Variants in NUP153 observed in about 807,000 individuals in gnomAD.
NUP153 encodes the protein nucleoporin 153.
NUP153 carries 27 observed loss-of-function variants against 134.6 expected under a neutral mutation model. That is an observed-to-expected ratio of 0.20 (90% confidence interval 0.15 to 0.28). The LOEUF is 0.28. NUP153 is among the 10% of genes least tolerant of loss of function. NUP153 has a pLI of 1.00. For synonymous variants in NUP153, 640 were observed against 623.5 expected, an observed-to-expected ratio of 1.03 and a Z score of -0.40; for missense variants, 1,821 against 1,731.3, an observed-to-expected ratio of 1.05 and a Z score of -0.92.
intron 1 of NUP153, among the ~76,000 whole-genome samples, chr6:17,697,050 T>C (rs1014067859): frequency 7.3e-5 from 11 of 150,174 alleles, no homozygotes; most frequent in African/African-American, 2.7e-4. Context: ...CAGCCTGGGC[T>C]ACAGAGCAAG....
intron 8 of NUP153, among the ~76,000 whole-genome samples, chr6:17,666,119 A>G (rs1767520842): frequency 6.6e-6 from 1 of 151,712 alleles, no homozygotes; most frequent in Non-Finnish European, 1.5e-5. Context: ...GAGCCACTGC[A>G]CCTGGCCCAG....
chr6:17,682,108 A>C (rs565859740), intron 2 of NUP153, among the ~76,000 whole-genome samples: 1 of 152,138 alleles, frequency 6.6e-6, no homozygotes, highest in Admixed American at 6.5e-5. Context: ...TACCTGGGAG[A>C]GTGAGGAGGA....
chr6:17,686,850 T>G (rs899820754), intron 2 of NUP153, among the ~76,000 whole-genome samples: 3 of 142,030 alleles, frequency 2.1e-5, no homozygotes, highest in Admixed American at 7.4e-5. Context: ...AACCGTGACT[T>G]GATTATTGTT....
At chr6:17,693,506 G>A (rs965822398) in intron 1 of NUP153, among the ~76,000 whole-genome samples, 5 of 152,282 alleles carry the variant, frequency 3.3e-5, no homozygotes, top group South Asian at 2.1e-4. Context: ...AGGTAGTAGC[G>A]TTCTGCTATT....
chr6:17,635,130 GACGGAGTCTCGCTCTGTC>G, intron 16 of NUP153, among the ~76,000 whole-genome samples: 2 of 91,394 alleles, frequency 2.2e-5, no homozygotes, highest in Non-Finnish European at 4.1e-5. Context: ...TTTTTTTTGA[GACGGAGTCTCGCTCTGTC>G]GCCCAGGCTG....
chr6:17,663,844 A>G (rs1241895991), intron 9 of NUP153, among the ~76,000 whole-genome samples: 1 of 152,218 alleles, frequency 6.6e-6, no homozygotes, highest in African/African-American at 2.4e-5. Context: ...GGGACATTTT[A>G]TAAGACAACT....
intron 2 of NUP153, among the ~76,000 whole-genome samples, chr6:17,677,240 C>A (rs1768273261): frequency 1.3e-5 from 2 of 152,140 alleles, no homozygotes; most frequent in Admixed American, 6.6e-5. Context: ...CAGCACAAAA[C>A]TACATCTACA....
At chr6:17,643,685 C>T (rs771669087) in intron 14 of NUP153, among the ~76,000 whole-genome samples, 74 of 152,120 alleles carry the variant, frequency 4.9e-4, no homozygotes, top group Non-Finnish European at 1.5e-4. Context: ...TCATGACTTC[C>T]ACATTTTCAA....
intron 16 of NUP153, among the ~76,000 whole-genome samples, chr6:17,635,768 C>A (rs970638212): frequency 6.6e-6 from 1 of 152,136 alleles, no homozygotes; most frequent in African/African-American, 2.4e-5. Flanking sequence ...TTTTCAAATC[C>A]ATTATCTAAA....
Position 17,701,831 on chromosome 6 carries a change from T to TGGG in NUP153, c.111+4445_111+4446insCCC, listed in dbSNP as rs1180643494. Among the ~76,000 whole-genome samples the TGGG allele has an allele frequency of 9.7e-3, 145 of 15,022 alleles. 7 individuals carry two copies. Among genetic ancestry groups the TGGG allele is most frequent in the Non-Finnish European group, 0.02 (108 of 5,344 alleles). The allele number at this position is 15,022 out of a possible 152,430, so 9.9% of individuals were successfully genotyped here. On this transcript the variant is annotated intron_variant, in intron 1 of 21. Transcript: ENST00000262077. Reference sequence around the variant, plus strand: ...CTGGGCAACAGAGCAAGACTCTGTCTCGGGGGGGGGGGGAAAAAAGCTAAA... The same window carrying TGGG: ...CTGGGCAACAGAGCAAGACTCTGTCTGGGCGGGGGGGGGGGGAAAAAAGCTAAA...
chr6:17,648,298 G>A (rs1378012603), intron 12 of NUP153, among the ~76,000 whole-genome samples: 1 of 152,150 alleles, frequency 6.6e-6, no homozygotes, highest in African/African-American at 2.4e-5. Flanking sequence ...ACCAGCCTGG[G>A]TAACACAGCA....
chr6:17,701,660 CAA>C (rs60645337), intron 1 of NUP153, among the ~76,000 whole-genome samples: 2,057 of 133,174 alleles, frequency 0.015, 52 homozygotes, highest in African/African-American at 0.049. Flanking sequence ...GACTCCATCT[CAA>C]AAAAAAAAAA....
chr6:17,647,686 ATTT>A, intron 13 of NUP153, 118 bp downstream of exon 13: 1 of 675,070 alleles, frequency 1.5e-6, no homozygotes, highest in South Asian at 1.9e-5. Context: ...TACACAGAGT[ATTT>A]TTTAAGTTGG....
chr6:17,640,096 C>A, intron 14 of NUP153, 32 bp from the exon 15 acceptor site: 1 of 1,435,744 alleles, frequency 7.0e-7, no homozygotes, highest in South Asian at 1.5e-5. Flanking sequence ...TAACATTATG[C>A]CAAATAAAAC....
chr6:17,674,190 AC>A (rs1768078204), intron 5 of NUP153, among the ~76,000 whole-genome samples: 1 of 152,196 alleles, frequency 6.6e-6, no homozygotes, highest in African/African-American at 2.4e-5. Context: ...CTCAAGAGAT[AC>A]ATAAGGTAAC....
At chr6:17,658,921 C>G (rs1044675528) in intron 11 of NUP153, among the ~76,000 whole-genome samples, 3 of 152,114 alleles carry the variant, frequency 2.0e-5, no homozygotes, top group African/African-American at 7.2e-5. Context: ...TGCCGCCGGT[C>G]TAATCCACTA....
At chr6:17,647,730 T>C in intron 13 of NUP153, 77 bp downstream of exon 13, 1 of 925,590 alleles carries the variant, frequency 1.1e-6, no homozygotes, top group Non-Finnish European at 1.7e-6. Context: ...TCACCACCAG[T>C]GGCATCTTAG....
intron 1 of NUP153, among the ~76,000 whole-genome samples, chr6:17,701,551 A>G (rs1770073998): frequency 6.6e-6 from 1 of 150,392 alleles, no homozygotes; most frequent in Admixed American, 6.7e-5. Flanking sequence ...AGTCCCAGCT[A>G]CTCGGGAGGC....
At chr6:17,686,367 G>A (rs1276442409) in intron 2 of NUP153, among the ~76,000 whole-genome samples, 1 of 151,816 alleles carries the variant, frequency 6.6e-6, no homozygotes, top group Non-Finnish European at 1.5e-5. Flanking sequence ...GTTAATGTGC[G>A]CATGTCTTAA....
Sources: allele counts gnomAD v4.1 joint callset (sites outside exome capture counted in the v4.1 genomes callset), GRCh38; gene constraint gnomAD v4.1.1; transcripts MANE v1.5; gene names NCBI Gene and HGNC (gene_info 2026-07-23, HGNC 2026-07-21).